Variants in ARMC3 observed in about 807,000 individuals in gnomAD.
The protein encoded by ARMC3 is armadillo repeat containing 3, also known as armadillo repeat-containing protein 3.
A neutral mutation model predicts 90.3 loss-of-function variants in ARMC3; 74 were observed. The ratio of observed to expected loss-of-function variants is 0.82; its 90% confidence interval spans 0.68 to 0.99. The LOEUF (loss-of-function observed/expected upper bound fraction) is 0.99, where lower values mean the gene tolerates loss of function less well. Ranked by LOEUF, ARMC3 falls within the 50% of genes least tolerant of loss-of-function variation. The pLI, the probability that ARMC3 is intolerant of heterozygous loss-of-function variation, is 0.00. For missense variants in ARMC3, 958 were observed against 1,042.8 expected, an observed-to-expected ratio of 0.92 and a Z score of 1.12; for synonymous variants, 334 against 361.8, an observed-to-expected ratio of 0.92 and a Z score of 0.87.
At position 22,962,080 on chromosome 10, in the gene ARMC3, T is replaced by C. The variant is rs757043972; in HGVS notation, c.732+2T>C. On this transcript the variant is annotated splice_donor_variant, in intron 7 of 18. Coordinates refer to ENST00000298032, the MANE Select transcript of ARMC3 (RefSeq NM_173081.5). LOFTEE classifies it high-confidence loss of function. ...CTTATTAAGATCCTAGAAACTAAGG[T>C]ATTTAGTTTCATTCATTCCACCCTC... 6.5e-7 allele frequency: 1 copy of C among 1,536,634 alleles called. No individual in the cohort carries two copies. The highest frequency in any genetic ancestry group is 1.3e-5 in the South Asian group (1 of 79,334).
At chr10:22,952,072 C>T (rs1834759258) in intron 3 of ARMC3, among the ~76,000 whole-genome samples, 1 of 152,132 alleles carries the variant, frequency 6.6e-6, no homozygotes, top group Non-Finnish European at 1.5e-5. Flanking sequence ...TTGCAGTGAA[C>T]TGAGATCATG....
intron 16 of ARMC3, chr10:23,014,617 GC>G: frequency 1.9e-6 from 1 of 537,410 alleles, no homozygotes; most frequent in Non-Finnish European, 2.4e-6. Context: ...ATATTATGCA[GC>G]CACAAAAAAG....
intron 16 of ARMC3, among the ~76,000 whole-genome samples, chr10:23,022,517 G>A (rs1170295043): frequency 6.6e-6 from 1 of 152,152 alleles, no homozygotes; most frequent in African/African-American, 2.4e-5. Context: ...CAGCAGCAGG[G>A]CATCTTATGT....
rs1160015399 is a variant in ARMC3, at chr10:22,984,270, G to A, written c.1175+2570G>A. Reference sequence around the variant, plus strand: ...AAACTCAGGGCATCTTCTGGAATTGGAGGCTCATTTCATGCATTGAGTAAT... The same window carrying A: ...AAACTCAGGGCATCTTCTGGAATTGAAGGCTCATTTCATGCATTGAGTAAT... On this transcript the variant is annotated intron_variant, in intron 10 of 18. Coordinates refer to ENST00000298032, the MANE Select transcript of ARMC3 (RefSeq NM_173081.5). Among the ~76,000 whole-genome samples the A allele has an allele frequency of 2.6e-5, 4 of 152,142 alleles. No individual in the cohort carries two copies. In the East Asian group the frequency reaches 7.7e-4, roughly 29 times the overall value.
intron 16 of ARMC3, among the ~76,000 whole-genome samples, chr10:23,017,761 G>A (rs865857901): frequency 2.0e-5 from 3 of 152,176 alleles, no homozygotes; most frequent in African/African-American, 4.8e-5. Context: ...GCGAGACTTC[G>A]TCTCAAAAAA....
chr10:22,928,955 G>A (rs1411324126), intron 1 of ARMC3, among the ~76,000 whole-genome samples: 3 of 152,184 alleles, frequency 2.0e-5, no homozygotes, highest in African/African-American at 4.8e-5. Flanking sequence ...AGCCAGGTAC[G>A]GTGGCTCACG....
chr10:23,036,865 A>G (rs1839142891), intron 18 of ARMC3, among the ~76,000 whole-genome samples: 1 of 151,278 alleles, frequency 6.6e-6, no homozygotes, highest in Non-Finnish European at 1.5e-5. Context: ...GTTTAGCTGG[A>G]AAGAGCCCCC....
intron 16 of ARMC3, among the ~76,000 whole-genome samples, chr10:23,023,536 A>AT (rs1328812629): frequency 6.6e-6 from 1 of 152,240 alleles, no homozygotes; most frequent in Non-Finnish European, 1.5e-5. Flanking sequence ...AGTTGTTGGA[A>AT]TTATCTGACC....
intron 8 of ARMC3, among the ~76,000 whole-genome samples, chr10:22,979,448 T>C (rs1836090612): frequency 2.0e-5 from 3 of 152,204 alleles, no homozygotes; most frequent in African/African-American, 7.2e-5. Context: ...GCCCTCAGTA[T>C]CTATTTAAAT....
rs541699292 is a variant in ARMC3 at position 22,949,073 on chromosome 10, G to T, written c.166+2812G>T. On this transcript the variant is annotated intron_variant, in intron 3 of 18. Transcript: ENST00000298032. Reference sequence around the variant, plus strand: ...GAATACACAGAGGAGTCTTGCCTCAGTATGAGAAATAATTAGTCCTAGATT... The same window carrying T: ...GAATACACAGAGGAGTCTTGCCTCATTATGAGAAATAATTAGTCCTAGATT... Among the ~76,000 whole-genome samples, 122 of 152,278 alleles carry T rather than the reference G, an allele frequency of 8.0e-4. 1 individual carries two copies. The highest frequency in any genetic ancestry group is 2.9e-3 in the African/African-American group (120 of 41,544).
chr10:22,983,505 C>T (rs900523145), intron 10 of ARMC3, among the ~76,000 whole-genome samples: 3 of 152,186 alleles, frequency 2.0e-5, no homozygotes, highest in South Asian at 2.1e-4. Context: ...TTTTTAATTG[C>T]AGTTATTTCT....
chr10:22,960,078 C>T (rs577632391), intron 6 of ARMC3: 6 of 303,572 alleles, frequency 2.0e-5, no homozygotes, highest in East Asian at 9.3e-5. Flanking sequence ...TCCTTTGTCA[C>T]GGAAAGAAAC....
intron 8 of ARMC3, among the ~76,000 whole-genome samples, chr10:22,976,987 A>C (rs1209381827): frequency 6.6e-6 from 1 of 152,184 alleles, no homozygotes; most frequent in Admixed American, 6.5e-5. Flanking sequence ...TTACACAAGC[A>C]CATGGCCATT....
At chr10:22,936,083 A>AT (rs947770571) in intron 2 of ARMC3, among the ~76,000 whole-genome samples, 3 of 151,872 alleles carry the variant, frequency 2.0e-5, no homozygotes, top group Non-Finnish European at 2.9e-5. Context: ...ATAATTTTGT[A>AT]TTTTTTTTAG....
intron 16 of ARMC3, among the ~76,000 whole-genome samples, chr10:23,012,266 C>T (rs949011349): frequency 1.3e-4 from 20 of 152,188 alleles, no homozygotes; most frequent in African/African-American, 4.8e-4. Context: ...TTTTCCATAA[C>T]TGTGAAACAC....
At chr10:22,946,340 T>C in intron 3 of ARMC3, 79 bp downstream of exon 3, 2 of 944,476 alleles carry the variant, frequency 2.1e-6, no homozygotes, top group Non-Finnish European at 3.3e-6. Context: ...CTTTTCTTCC[T>C]AGTCTTTAAC....
In ARMC3 at chr10:22,973,739, TTTTC is replaced by T. The variant is rs1338597745; in HGVS notation, c.916+5254_916+5257del. ...ATTATTTTTATTTTCTCTTGTAATT[TTTTC>T]TTTGTCTTTCTTTTTTTTTTTTTTT... On this transcript the variant is annotated intron_variant, in intron 8 of 18. Transcript: ENST00000298032. 5.7e-3 allele frequency among the ~76,000 whole-genome samples: 847 copies of T among 149,816 alleles called. 6 individuals are homozygous for T. The highest frequency in any genetic ancestry group is 7.7e-3 in the Non-Finnish European group (519 of 67,450).
In ARMC3 at chr10:22,941,238, G is replaced by A. The variant is rs185815606; in HGVS notation, c.49-4906G>A. ...ATGAGGCAGGAGAGAATGTTGTGGG[G>A]CATGGAAACTTTCACATATTGCTTG... On this transcript the variant is annotated intron_variant, in intron 2 of 18. Transcript: ENST00000298032. Among the ~76,000 whole-genome samples the A allele has an allele frequency of 2.6e-5, 4 of 152,270 alleles. No homozygotes were observed. In the East Asian group the frequency reaches 7.7e-4, roughly 29 times the overall value.
chr10:22,993,516 G>A (rs139013635), intron 10 of ARMC3, among the ~76,000 whole-genome samples: 2 of 152,296 alleles, frequency 1.3e-5, no homozygotes, highest in Non-Finnish European at 2.9e-5. Flanking sequence ...GCTGAGCTAA[G>A]CACTTTCCCC....
Sources: gnomAD v4.1 joint callset for allele counts (sites outside exome capture counted in the v4.1 genomes callset) on GRCh38, gnomAD v4.1.1 for gene constraint, MANE v1.5 for transcripts, NCBI Gene and HGNC (gene_info 2026-07-23, HGNC 2026-07-21) for gene names.